Variants in FAIM2 observed in about 807,000 individuals in gnomAD.
FAIM2 encodes the protein Fas apoptotic inhibitory molecule 2.
FAIM2 carries 27 observed loss-of-function variants against 47.4 expected under a neutral mutation model. That is an observed-to-expected ratio of 0.57 (90% CI 0.42 to 0.78). The LOEUF (loss-of-function observed/expected upper bound fraction) is 0.78, where lower values mean the gene tolerates loss of function less well. Ranked by LOEUF, FAIM2 falls within the 30% of genes least tolerant of loss-of-function variation. The pLI is 0.00. For synonymous variants in FAIM2, 156 were observed against 159.3 expected (o/e 0.98, Z 0.16); for missense variants, 311 against 389.4 (o/e 0.80, Z 1.69).
At chr12:49,879,088 G>C (rs1474450582) in intron 11 of FAIM2, among the ~76,000 whole-genome samples, 1 of 137,538 alleles carries the variant, frequency 7.3e-6, no homozygotes, top group Admixed American at 8.1e-5. Flanking sequence ...GTATGTGTCT[G>C]TGTGCATGTG....
Position 49,869,731 on chromosome 12 carries a change from T to A in FAIM2, c.*773A>T, listed in dbSNP as rs1946688555. ...CAAATGCCTCCCAGGTGGACGCGGG[T>A]CTGGGTGGATTGGCTCCCCAGCTCC... On this transcript the variant is annotated 3_prime_UTR_variant, in exon 12 of 12. Transcript: ENST00000320634. 6.6e-6 allele frequency: 1 copy of A among 151,758 alleles called. No individual in the cohort carries two copies. Among genetic ancestry groups the A allele is most frequent in the Admixed American group, 6.6e-5 (1 of 15,240 alleles). 9.4% of individuals were successfully genotyped at this position (151,758 alleles called of 1,614,324 possible).
chr12:49,891,551 C>T (rs372291929), intron 5 of FAIM2, among the ~76,000 whole-genome samples: 3 of 152,286 alleles, frequency 2.0e-5, no homozygotes, highest in South Asian at 2.1e-4. Flanking sequence ...ATCCAGCTAC[C>T]ACGCTGCAGA....
chr12:49,888,278 C>T (rs1298350575), intron 10 of FAIM2, among the ~76,000 whole-genome samples: 1 of 152,212 alleles, frequency 6.6e-6, no homozygotes, highest in Non-Finnish European at 1.5e-5. Flanking sequence ...AGCACCAATC[C>T]TGACGTCCTG....
chr12:49,891,692 G>C (rs1574598), intron 5 of FAIM2, among the ~76,000 whole-genome samples: 26,983 of 152,028 alleles, frequency 0.18, 3,889 homozygotes, highest in East Asian at 0.42. Flanking sequence ...TTTACTGTTG[G>C]TCTAGCCTAT....
Position 49,879,176 on chromosome 12 carries a change from GTGCATGTGTA to G in FAIM2, c.801+8200_801+8209del, listed in dbSNP as rs765891000. Among the ~76,000 whole-genome samples, 84 of 136,178 alleles carry G rather than the reference GTGCATGTGTA, an allele frequency of 6.2e-4. 18 individuals carry two copies. Among genetic ancestry groups the G allele is most frequent in the African/African-American group, 8.3e-5 (3 of 36,128 alleles). The allele number at this position is 136,178 out of a possible 152,430, so 89.3% of individuals were successfully genotyped here. ...TGCATGTGTATGTGTGTGTGCATGA[GTGCATGTGTA>G]TGCATGTGTATGTATGTGTATGAGT... On this transcript the variant is annotated intron_variant, in intron 11 of 11. Coordinates refer to ENST00000320634, the MANE Select transcript of FAIM2 (RefSeq NM_012306.4).
At chr12:49,880,298 G>T (rs574835796) in intron 11 of FAIM2, among the ~76,000 whole-genome samples, 1 of 148,712 alleles carries the variant, frequency 6.7e-6, no homozygotes, top group East Asian at 2.0e-4. Context: ...GTGTATCTGT[G>T]TATGTGCATG....
chr12:49,897,498 T>C, intron 4 of FAIM2, 21 bp downstream of exon 4: 1 of 1,611,922 alleles, frequency 6.2e-7, no homozygotes, highest in South Asian at 1.1e-5. Context: ...TGGAAGGTGC[T>C]GGTCCATGCT....
Position 49,890,252 on chromosome 12 carries a change from C to A in FAIM2, c.526-98G>T, listed in dbSNP as rs905182254. ...TCAGGTCTCCACCCCTTGCAGGTAC[C>A]CCTCAACTCTTTGTCTATGTCACCC... On this transcript the variant is annotated intron_variant, in intron 7 of 11. Coordinates refer to ENST00000320634, the MANE Select transcript of FAIM2 (RefSeq NM_012306.4). The A allele has an allele frequency of 6.4e-6, 7 of 1,087,526 alleles. No individual in the cohort carries two copies. In the African/African-American group the frequency reaches 9.3e-5, roughly 14 times the overall value. The allele number at this position is 1,087,526 out of a possible 1,614,324, so 67.4% of individuals were successfully genotyped here. A position where few individuals can be genotyped will look rare whatever the true frequency, so the allele number is the denominator to read the frequency against.
intron 5 of FAIM2, among the ~76,000 whole-genome samples, chr12:49,895,966 C>T (rs1361903294): frequency 6.6e-6 from 1 of 152,236 alleles, no homozygotes; most frequent in Non-Finnish European, 1.5e-5. Context: ...CCCAGTTTAC[C>T]AAATGTACCA....
At chr12:49,884,207 C>T (rs1282493860) in intron 11 of FAIM2, among the ~76,000 whole-genome samples, 2 of 143,170 alleles carry the variant, frequency 1.4e-5, no homozygotes, top group African/African-American at 2.7e-5. Flanking sequence ...CTGGGCGACA[C>T]AGCCAGACTC....
chr12:49,881,777 G>A (rs1204631498), intron 11 of FAIM2, among the ~76,000 whole-genome samples: 3 of 152,182 alleles, frequency 2.0e-5, no homozygotes, highest in African/African-American at 4.8e-5. Context: ...ATGGGGTAGG[G>A]GTAAGACCAA....
chr12:49,902,055 A>C (rs949913401), intron 1 of FAIM2: 1 of 152,266 alleles, frequency 6.6e-6, no homozygotes, highest in African/African-American at 2.4e-5. Context: ...ACCCAGTGGA[A>C]GGGGCCTCAG....
At chr12:49,894,272 C>T (rs1205244781) in intron 5 of FAIM2, among the ~76,000 whole-genome samples, 1 of 152,198 alleles carries the variant, frequency 6.6e-6, no homozygotes, top group Non-Finnish European at 1.5e-5. Flanking sequence ...TAATTAGAAG[C>T]TGGCTGATGG....
In FAIM2 at chr12:49,868,737, C is replaced by T. The variant is rs1253396279; in HGVS notation, c.*1767G>A. On this transcript the variant is annotated 3_prime_UTR_variant, in exon 12 of 12. Transcript: ENST00000320634. ...CCTCGGCTTTTCCCTCTGCTACGGA[C>T]ATGAGCAGAGCGCTGTCTCTGGAGG... The T allele has an allele frequency of 2.6e-5, 4 of 152,394 alleles. No individual in the cohort carries two copies. In the East Asian group the frequency reaches 5.8e-4, roughly 22 times the overall value. The allele number at this position is 152,394 out of a possible 1,614,324, so 9.4% of individuals were successfully genotyped here. A position where few individuals can be genotyped will look rare whatever the true frequency, so the allele number is the denominator to read the frequency against.
chr12:49,882,781 C>G (rs1946835207), intron 11 of FAIM2, among the ~76,000 whole-genome samples: 1 of 152,154 alleles, frequency 6.6e-6, no homozygotes, highest in Non-Finnish European at 1.5e-5. Context: ...GTTCATGCCA[C>G]AAACATCTCC....
At chr12:49,879,007 C>A (rs1946773599) in intron 11 of FAIM2, among the ~76,000 whole-genome samples, 1 of 120,416 alleles carries the variant, frequency 8.3e-6, no homozygotes, top group African/African-American at 3.4e-5. Context: ...TGTGTATGTG[C>A]ATGTGTGTAT....
chr12:49,897,115 C>A (rs759913260), intron 4 of FAIM2, 31 bp from the exon 5 acceptor site: 68 of 1,549,486 alleles, frequency 4.4e-5, no homozygotes, highest in Admixed American at 8.3e-5. Context: ...GAGAGAGAGT[C>A]AGAATGTACC....
chr12:49,874,141 A>G lies in FAIM2; in HGVS notation c.802-3488T>C, dbSNP rs1232143113. 6.6e-6 allele frequency among the ~76,000 whole-genome samples: 1 copy of G among 152,200 alleles called. No individual in the cohort carries two copies. The highest frequency in any genetic ancestry group is 1.5e-5 in the Non-Finnish European group (1 of 68,030). On this transcript the variant is annotated intron_variant, in intron 11 of 11. Transcript: ENST00000320634. This position sits in a 1 kb window ranked among gnomAD's most constrained non-coding sequence, Gnocchi z 4.2. The stretch of plus-strand genomic sequence containing the variant: ...GCAACCGAATTGACTGCAAACCCCT[A>G]AAAGGAGGGCAGGTACTTGAGTTAG...
At position 49,903,882 on chromosome 12, in the gene FAIM2, G is replaced by A; in HGVS notation, c.-90C>T. ...CTGCGTCTCTTCCTTCCTCCGCGTG[G>A]GTTCTAGCAACATCCACTGCAGCCG... On this transcript the variant is annotated 5_prime_UTR_variant, in exon 1 of 12. Transcript: ENST00000320634. 7.2e-7 allele frequency: 1 copy of A among 1,388,220 alleles called. No individual in the cohort carries two copies. 86.0% of individuals were successfully genotyped at this position (1,388,220 alleles called of 1,614,324 possible).
Sources: allele counts gnomAD v4.1 joint callset (sites outside exome capture counted in the v4.1 genomes callset), GRCh38; gene constraint gnomAD v4.1.1; non-coding constraint Gnocchi (gnomAD v3.1); transcripts MANE v1.5; gene names NCBI Gene and HGNC (gene_info 2026-07-23, HGNC 2026-07-21).